MED27: variants seen among roughly 807,000 people sequenced by gnomAD.
MED27 encodes the protein mediator complex subunit 27.
Under a neutral mutation model 38.2 loss-of-function variants are expected in MED27, and 30 were observed. The observed-to-expected ratio is 0.79, with a 90% CI of 0.59 to 1.07. The LOEUF is 1.07. MED27 is among the 50% of genes least tolerant of loss of function. The pLI is 0.00. For synonymous variants in MED27, 122 were observed against 153.5 expected (o/e 0.79, Z 1.52); for missense variants, 289 against 397.5 (o/e 0.73, Z 2.32).
intron 5 of MED27, among the ~76,000 whole-genome samples, chr9:131,892,349 GC>G (rs1355735092): frequency 6.6e-6 from 1 of 152,204 alleles, no homozygotes; most frequent in Admixed American, 6.5e-5. Flanking sequence ...ATGGCAAAGT[GC>G]CAAGTGCTTT....
At chr9:131,877,798 T>C (rs1172313439) in intron 6 of MED27, among the ~76,000 whole-genome samples, 1 of 152,132 alleles carries the variant, frequency 6.6e-6, no homozygotes, top group African/African-American at 2.4e-5. Flanking sequence ...TTGGGGTTGG[T>C]AGTCAATTTA....
At chr9:132,047,441 G>GACACAA (rs149042770) in intron 2 of MED27, among the ~76,000 whole-genome samples, 157 of 145,268 alleles carry the variant, frequency 1.1e-3, no homozygotes, top group African/African-American at 4.0e-3. Context: ...TAATGTTTTA[G>GACACAA]ACACACACAC....
intron 6 of MED27, among the ~76,000 whole-genome samples, chr9:131,882,438 C>T (rs941045036): frequency 2.6e-5 from 4 of 152,180 alleles, no homozygotes; most frequent in Non-Finnish European, 5.9e-5. Context: ...CACTTTAAAA[C>T]GGTTAATTTC....
At chr9:131,968,471 CAAAAAA>C (rs10556528) in intron 3 of MED27, among the ~76,000 whole-genome samples, 5 of 98,410 alleles carry the variant, frequency 5.1e-5, no homozygotes, top group Admixed American at 1.1e-4. Flanking sequence ...GACCCTGTCT[CAAAAAA>C]AAAAAAAAAA....
intron 3 of MED27, among the ~76,000 whole-genome samples, chr9:131,987,464 A>G (rs1831880096): frequency 6.6e-6 from 1 of 152,116 alleles, no homozygotes; most frequent in Admixed American, 6.5e-5. Context: ...CAGGATCTTG[A>G]GCTCTTTCCA....
rs1830227285 is a variant in MED27, at chr9:131,913,460, A to G, written c.574-19468T>C. Among the ~76,000 whole-genome samples the G allele has an allele frequency of 6.6e-6, 1 of 152,216 alleles. No homozygotes were observed. The highest frequency in any genetic ancestry group is 2.4e-5 in the African/African-American group (1 of 41,458). ...AATAAATAATCATAAGCATATAGTAAGGGGTCAAATAGAGTCCTGAGCACA... is the reference window on the plus strand; with the variant it reads ...AATAAATAATCATAAGCATATAGTAGGGGGTCAAATAGAGTCCTGAGCACA... On this transcript the variant is annotated intron_variant, in intron 4 of 7. Coordinates refer to ENST00000292035, the MANE Select transcript of MED27 (RefSeq NM_004269.4). This position sits in a 1 kb window ranked among gnomAD's most constrained non-coding sequence, Gnocchi z 4.5.
chr9:132,065,216 C>T (rs1295160290), intron 2 of MED27, among the ~76,000 whole-genome samples: 1 of 152,170 alleles, frequency 6.6e-6, no homozygotes, highest in Non-Finnish European at 1.5e-5. Flanking sequence ...AAATTTAACA[C>T]GTATAGCGGC....
At chr9:131,980,234 G>A (rs1360041768) in intron 3 of MED27, among the ~76,000 whole-genome samples, 1 of 151,858 alleles carries the variant, frequency 6.6e-6, no homozygotes, top group Non-Finnish European at 1.5e-5. Flanking sequence ...AGGAAAGTGA[G>A]GTGCTATTTA....
chr9:132,026,201 A>G (rs1349264362), intron 2 of MED27, among the ~76,000 whole-genome samples: 1 of 152,250 alleles, frequency 6.6e-6, no homozygotes, highest in Non-Finnish European at 1.5e-5. Context: ...TCACGCATCC[A>G]TCACCAACCA....
chr9:131,986,344 T>C (rs886406098), intron 3 of MED27, among the ~76,000 whole-genome samples: 5 of 152,074 alleles, frequency 3.3e-5, no homozygotes, highest in African/African-American at 9.7e-5. Flanking sequence ...TTTTTTATCT[T>C]TCTTTTTGGT....
intron 4 of MED27, among the ~76,000 whole-genome samples, chr9:131,938,654 A>G (rs1352520797): frequency 6.6e-6 from 1 of 152,252 alleles, no homozygotes; most frequent in African/African-American, 2.4e-5. Flanking sequence ...CATCAGTCTC[A>G]GAACACTTTC....
chr9:131,910,828 T>G (rs1235894990), intron 4 of MED27, among the ~76,000 whole-genome samples: 2 of 152,174 alleles, frequency 1.3e-5, no homozygotes. Flanking sequence ...TGTCCTCCCC[T>G]CCTGGACTGG....
rs140781242 is a variant in MED27 at position 131,977,369 on chromosome 9, T to C, written c.479+36968A>G. 5.2e-3 allele frequency among the ~76,000 whole-genome samples: 795 copies of C among 152,354 alleles called. 14 individuals carry two copies. Among genetic ancestry groups the C allele is most frequent in the African/African-American group, 0.018 (733 of 41,578 alleles). ...TCTAGTTACCACTTGTCATTACTAC[T>C]GCAGCCTTAGACAATATTTCTGGGC... On this transcript the variant is annotated intron_variant, in intron 3 of 7. Coordinates refer to ENST00000292035, the MANE Select transcript of MED27 (RefSeq NM_004269.4).
intron 5 of MED27, 73 bp downstream of exon 5, chr9:131,893,812 T>G: frequency 9.7e-7 from 1 of 1,032,110 alleles, no homozygotes; most frequent in South Asian, 1.3e-5. Context: ...TTAATGCCAT[T>G]CATCTGGAAT....
intron 3 of MED27, among the ~76,000 whole-genome samples, chr9:131,979,804 C>T (rs942524055): frequency 4.7e-5 from 7 of 150,254 alleles, no homozygotes; most frequent in Admixed American, 4.6e-4. Context: ...CATGCTAACT[C>T]CTTGTAGAGT....
At chr9:131,882,000 CACCT>C (rs1839056390) in intron 6 of MED27, among the ~76,000 whole-genome samples, 1 of 151,864 alleles carries the variant, frequency 6.6e-6, no homozygotes, top group Admixed American at 6.6e-5. Flanking sequence ...GTAATCCACC[CACCT>C]GAGCCTCCCA....
rs1385925092 is a variant in MED27 at position 131,917,618 on chromosome 9, G to A, written c.573+21763C>T. ...ATAGCACATCAGGAAGAATGCATGT[G>A]GCATTGTGGGTGACAATGGGGATGC... On this transcript the variant is annotated intron_variant, in intron 4 of 7. Coordinates refer to ENST00000292035, the MANE Select transcript of MED27 (RefSeq NM_004269.4). The surrounding 1 kb of genome is among the most constrained non-coding windows in gnomAD (Gnocchi z 4.6). Among the ~76,000 whole-genome samples the A allele has an allele frequency of 6.6e-6, 1 of 152,176 alleles. No individual in the cohort carries two copies. The highest frequency in any genetic ancestry group is 2.4e-5 in the African/African-American group (1 of 41,430).
At chr9:132,037,323 T>A (rs1833100491) in intron 2 of MED27, among the ~76,000 whole-genome samples, 1 of 152,226 alleles carries the variant, frequency 6.6e-6, no homozygotes, top group Admixed American at 6.5e-5. Flanking sequence ...CTTTCTGATT[T>A]AATGCTCCCT....
chr9:132,037,806 T>C (rs143699106), intron 2 of MED27, among the ~76,000 whole-genome samples: 2 of 152,242 alleles, frequency 1.3e-5, no homozygotes, highest in Non-Finnish European at 2.9e-5. Flanking sequence ...AAGTGCTGTG[T>C]TTCTGACACA....
Sources: gnomAD v4.1 joint callset for allele counts (sites outside exome capture counted in the v4.1 genomes callset) on GRCh38, gnomAD v4.1.1 for gene constraint, Gnocchi (gnomAD v3.1) non-coding constraint, MANE v1.5 for transcripts, NCBI Gene and HGNC (gene_info 2026-07-23, HGNC 2026-07-21) for gene names.